COG8: variants seen among roughly 807,000 people sequenced by gnomAD.
The protein encoded by COG8 is component of oligomeric golgi complex 8.
In COG8, 45 loss-of-function variants were observed where a neutral mutation model predicts 46.5. The ratio of observed to expected loss-of-function variants is 0.97; its 90% CI spans 0.76 to 1.24. COG8 has a LOEUF of 1.24. Ranked by LOEUF, COG8 falls within the 50% of genes most tolerant of loss-of-function variation. The pLI is 0.00. For missense variants in COG8, 793 were observed against 820.8 expected (o/e 0.97, Z 0.41); for synonymous variants, 407 against 347.8 (o/e 1.17, Z -1.90).
At chr16:69,329,255 C>CG (rs1965703765) in intron 5 of COG8, 76 bp from the exon 6 acceptor site, 1 of 1,417,390 alleles carries the variant, frequency 7.1e-7, no homozygotes, top group East Asian at 2.7e-5. Flanking sequence ...CCCCTGCCCC[C>CG]GGTCCTGGCT....
In COG8 at chr16:69,336,710, T is replaced by A; in HGVS notation, c.380A>T (p.Asn127Ile). Reference sequence around the variant, plus strand: ...GATCTCCTCGGCTTCCTTCACAAAGTTCCTAGTAATAATCAGAAGAATGTT... The same window carrying A: ...GATCTCCTCGGCTTCCTTCACAAAGATCCTAGTAATAATCAGAAGAATGTT... ...RLPSFQQSCR[N>I]FVKEAEEISS... The change falls in exon 2 of 6, where the codon AAC (asparagine) becomes ATC (isoleucine). Residue 127 changes from asparagine (N) to isoleucine (I), a missense_variant and splice_region_variant. Coordinates refer to ENST00000306875, the MANE Select transcript of COG8 (RefSeq NM_032382.5). 6.2e-7 allele frequency: 1 copy of A among 1,613,838 alleles called. No individual in the cohort carries two copies. The highest frequency in any genetic ancestry group is 8.5e-7 in the Non-Finnish European group (1 of 1,179,842).
intron 2 of COG8, 126 bp downstream of exon 2, chr16:69,336,379 G>A: frequency 1.3e-6 from 1 of 792,506 alleles, no homozygotes; most frequent in Non-Finnish European, 2.1e-6. Flanking sequence ...TTTCTGTTCA[G>A]GCATACCTGG....
intron 5 of COG8, chr16:69,330,570 T>G (rs1256249382): frequency 1.4e-6 from 2 of 1,459,252 alleles, no homozygotes; most frequent in Non-Finnish European, 1.8e-6. Context: ...AGCCGGGCCA[T>G]GGCGGCCCCC....
chr16:69,328,854 GGGCAAACATTTCT>G lies in COG8; in HGVS notation c.*339_*351del. ...AACATTTTGTCCGTAACTGATTTCAGGGCAAACATTTCTGACATCTTCCTCCAGCTCAGTCTGC... is the reference window on the plus strand; with the variant it reads ...AACATTTTGTCCGTAACTGATTTCAGGACATCTTCCTCCAGCTCAGTCTGC... On this transcript the variant is annotated 3_prime_UTR_variant, in exon 6 of 6. Coordinates refer to ENST00000306875, the MANE Select transcript of COG8 (RefSeq NM_032382.5). The G allele has an allele frequency of 1.1e-6, 1 of 902,016 alleles. No individual in the cohort carries two copies. Among genetic ancestry groups the G allele is most frequent in the Non-Finnish European group, 1.6e-6 (1 of 609,164 alleles). The allele number at this position is 902,016 out of a possible 1,614,324, so 55.9% of individuals were successfully genotyped here. A position where few individuals can be genotyped will look rare whatever the true frequency, so the allele number is the denominator to read the frequency against.
At position 69,334,835 on chromosome 16, in the gene COG8, A is replaced by G. The variant is rs369130573; in HGVS notation, c.1099T>C (p.Leu367=). 2.3e-5 allele frequency: 37 copies of G among 1,614,168 alleles called. No homozygotes were observed. The East Asian group carries it at 4.2e-4, about 18-fold the overall frequency. The part of the protein sequence containing the change: ...SRVGADFRGQ[L]APVFQRVAIS... ...GCCACCCGCTGGAAAACAGGAGCCA[A>G]CTGACCCCGGAAATCAGCTCCCACC... The change falls in exon 3 of 6, where the codon TTG becomes CTG. Residue 367 remains leucine (L), a synonymous_variant. Coordinates refer to ENST00000306875, the MANE Select transcript of COG8 (RefSeq NM_032382.5).
Position 69,328,903 on chromosome 16 carries a change from C to T in COG8, c.*303G>A. On this transcript the variant is annotated 3_prime_UTR_variant, in exon 6 of 6. Transcript: ENST00000306875. Reference sequence around the variant, plus strand: ...TCCAGCTCAGTCTGCCATGCCTTGGCAATCCAGTTTCCTGTCATATGCGAG... The same window carrying T: ...TCCAGCTCAGTCTGCCATGCCTTGGTAATCCAGTTTCCTGTCATATGCGAG... The T allele has an allele frequency of 1.5e-6, 2 of 1,332,966 alleles. No individual in the cohort carries two copies. The highest frequency in any genetic ancestry group is 2.0e-6 in the Non-Finnish European group (2 of 982,544). The allele number at this position is 1,332,966 out of a possible 1,614,324, so 82.6% of individuals were successfully genotyped here. A position where few individuals can be genotyped will look rare whatever the true frequency, so the allele number is the denominator to read the frequency against.
At chr16:69,337,621 T>C (rs1363032925) in intron 1 of COG8, among the ~76,000 whole-genome samples, 1 of 152,116 alleles carries the variant, frequency 6.6e-6, no homozygotes, top group African/African-American at 2.4e-5. Context: ...CATGGAAGGG[T>C]ACAAAAGCTG....
chr16:69,335,271 C>G lies in COG8; in HGVS notation c.663G>C (p.Gln221His), dbSNP rs2012143678. The G allele has an allele frequency of 2.5e-6, 4 of 1,613,384 alleles. No individual in the cohort carries two copies. Among genetic ancestry groups the G allele is most frequent in the Non-Finnish European group, 3.4e-6 (4 of 1,179,882 alleles). Residue 221 changes from glutamine (Q) to histidine (H), a missense_variant, in exon 3 of 6, where the codon CAG becomes CAC. Coordinates refer to ENST00000306875, the MANE Select transcript of COG8 (RefSeq NM_032382.5). ...QLIQQLRTNI[Q>H]LPACLRVIGY... ...CAATGACACGGAGGCAGGCAGGAAG[C>G]TGGATGTTGGTCCTCAGTTGCTGGA...
rs143819789 is a variant in COG8 at position 69,328,638 on chromosome 16, C to A, written c.*568G>T. 1.4e-5 allele frequency: 3 copies of A among 207,110 alleles called. No homozygotes were observed. Among genetic ancestry groups the A allele is most frequent in the African/African-American group, 4.7e-5 (2 of 42,196 alleles). The allele number at this position is 207,110 out of a possible 1,614,324, so 12.8% of individuals were successfully genotyped here. ...CACAAATGGCCAGTCACATGCTTACCTGCATTTTTAAAGACAGCTTTCAGG... is the reference window on the plus strand; with the variant it reads ...CACAAATGGCCAGTCACATGCTTACATGCATTTTTAAAGACAGCTTTCAGG... On this transcript the variant is annotated 3_prime_UTR_variant, in exon 6 of 6. Coordinates refer to ENST00000306875, the MANE Select transcript of COG8 (RefSeq NM_032382.5).
intron 5 of COG8, among the ~76,000 whole-genome samples, 182 bp from the exon 6 acceptor site, chr16:69,329,361 G>A (rs762256647): frequency 1.3e-5 from 2 of 152,176 alleles, no homozygotes; most frequent in African/African-American, 4.8e-5. Context: ...ATTACCAAGC[G>A]TTCAACCTGG....
Position 69,329,675 on chromosome 16 carries a change from C to A in COG8, c.*27-496G>T, listed in dbSNP as rs966198816. Among the ~76,000 whole-genome samples, 3 of 152,254 alleles carry A rather than the reference C, an allele frequency of 2.0e-5. No homozygotes were observed. The East Asian group carries it at 5.8e-4, about 29-fold the overall frequency. ...CTGGGTCAGGCTGGCGGGGGCTAAC[C>A]CCCACTTCTCCAACTCCACCGTGGC... On this transcript the variant is annotated intron_variant, in intron 5 of 5. Coordinates refer to ENST00000306875, the MANE Select transcript of COG8 (RefSeq NM_032382.5).
intron 2 of COG8, among the ~76,000 whole-genome samples, chr16:69,336,059 GCT>G (rs1016517472): frequency 2.0e-5 from 3 of 152,038 alleles, no homozygotes; most frequent in African/African-American, 7.3e-5. Context: ...TTTCTGGTTT[GCT>G]CTCTCCCCAG....
At chr16:69,330,724 C>T (rs1368741719) in intron 5 of COG8, 89 bp downstream of exon 5, 5 of 1,415,916 alleles carry the variant, frequency 3.5e-6, no homozygotes, top group Admixed American at 2.8e-5. Context: ...CCGCTCTCCT[C>T]CCGGGAGCGC....
chr16:69,329,116 T>A lies in COG8; in HGVS notation c.*90A>T. The A allele has an allele frequency of 6.2e-7, 1 of 1,610,956 alleles. No homozygotes were observed. The highest frequency in any genetic ancestry group is 8.5e-7 in the Non-Finnish European group (1 of 1,179,402). On this transcript the variant is annotated 3_prime_UTR_variant, in exon 6 of 6. Transcript: ENST00000306875. ...GCCCTGCAGGTGGTCCATCTCGTGC[T>A]GGATGATGCGGGCTGCCCACCCGCT...
At chr16:69,331,881 G>C (rs530152916) in intron 4 of COG8, among the ~76,000 whole-genome samples, 1 of 152,154 alleles carries the variant, frequency 6.6e-6, no homozygotes, top group Admixed American at 6.5e-5. Context: ...AGAACGTAAC[G>C]GAACAGCAGT....
intron 5 of COG8, among the ~76,000 whole-genome samples, chr16:69,329,496 T>C (rs2143302395): frequency 6.6e-6 from 1 of 152,308 alleles, no homozygotes; most frequent in South Asian, 2.1e-4. Flanking sequence ...TCCCAACTCC[T>C]AACAGAGGTT....
At chr16:69,331,223 G>GGGGCGGATCACCTGAGGTCA in intron 4 of COG8, 128 bp from the exon 5 acceptor site, 1 of 939,292 alleles carries the variant, frequency 1.1e-6, no homozygotes, top group Non-Finnish European at 1.7e-6. Flanking sequence ...CGGGGAGGGG[G>GGGGCGGATCACCTGAGGTCA]GGGCGGATCA....
chr16:69,329,284 C>G, intron 5 of COG8, 105 bp from the exon 6 acceptor site: 1 of 1,247,354 alleles, frequency 8.0e-7, no homozygotes. Context: ...TGACAAGAGG[C>G]AACAGCAGAT....
At chr16:69,330,196 C>A (rs1421445435) in intron 5 of COG8, 10 of 1,468,724 alleles carry the variant, frequency 6.8e-6, no homozygotes, top group African/African-American at 1.5e-5. Context: ...CGGGGAGCTC[C>A]AGCGCCAGCA....
Sources: gnomAD v4.1 joint callset for allele counts (sites outside exome capture counted in the v4.1 genomes callset) on GRCh38, gnomAD v4.1.1 for gene constraint, MANE v1.5 for transcripts, NCBI Gene and HGNC (gene_info 2026-07-23, HGNC 2026-07-21) for gene names.